The following RBBP8NL variants were observed in gnomAD, a reference collection of about 807,000 sequenced individuals.
RBBP8NL encodes the protein RBBP8 N-terminal like, also known as RBBP8 N-terminal-like protein.
RBBP8NL carries 59 observed loss-of-function variants against 62.2 expected under a neutral mutation model. That is an observed-to-expected ratio of 0.95 (90% CI 0.77 to 1.18). RBBP8NL has a LOEUF of 1.18. Among genes scored for constraint, RBBP8NL ranks in the 50% most tolerant of loss-of-function variants. RBBP8NL has a pLI of 0.00. For synonymous variants in RBBP8NL, 412 were observed against 394.1 expected, an observed-to-expected ratio of 1.05 and a Z score of -0.54; for missense variants, 896 against 899.5, an observed-to-expected ratio of 1.00 and a Z score of 0.05.
chr20:62,415,039 T>C (rs1988529401), intron 9 of RBBP8NL, 82 bp downstream of exon 9: 2 of 1,345,570 alleles, frequency 1.5e-6, no homozygotes, highest in Non-Finnish European at 2.0e-6. Flanking sequence ...TGAGGGATAA[T>C]CAGAGGGACT....
intron 2 of RBBP8NL, 87 bp downstream of exon 2, chr20:62,419,500 T>A: frequency 7.2e-7 from 1 of 1,393,546 alleles, no homozygotes; most frequent in Non-Finnish European, 1.0e-6. Flanking sequence ...TTGGAGGTGA[T>A]CATGGGTGCA....
In RBBP8NL at chr20:62,417,553, C is replaced by T. The variant is rs535787137; in HGVS notation, c.105-234G>A. ...TCCTCTGTGACGTCTGTCCCGTCCA[C>T]GCAACGCCCCCCCAGTCATCTGCAC... is the stretch of plus-strand genomic sequence containing the variant. On this transcript the variant is annotated intron_variant, in intron 3 of 13. Coordinates refer to ENST00000252998, the MANE Select transcript of RBBP8NL (RefSeq NM_080833.3). Among the ~76,000 whole-genome samples, 41 of 70,308 alleles carry T rather than the reference C, an allele frequency of 5.8e-4. No individual in the cohort carries two copies. In the South Asian group the frequency reaches 0.035, roughly 60 times the overall value. 46.1% of individuals were successfully genotyped at this position (70,308 alleles called of 152,430 possible).
intron 7 of RBBP8NL, 23 bp downstream of exon 7, chr20:62,415,765 G>C (rs1226005937): frequency 6.2e-7 from 1 of 1,610,834 alleles, no homozygotes; most frequent in Admixed American, 1.7e-5. Context: ...CAGCCTCCCA[G>C]CCTCACCCGG....
intron 1 of RBBP8NL, among the ~76,000 whole-genome samples, chr20:62,422,632 G>A (rs78434042): frequency 9.2e-3 from 1,093 of 118,828 alleles, no homozygotes; most frequent in Middle Eastern, 0.023. Context: ...GAGTGGGGAT[G>A]GGGCCCGGGG....
chr20:62,414,663 C>G (rs1476708342), intron 9 of RBBP8NL, 107 bp from the exon 10 acceptor site: 2 of 1,305,312 alleles, frequency 1.5e-6, no homozygotes, highest in East Asian at 5.4e-5. Context: ...GGCGAGGAAA[C>G]TGAGGTCCAG....
intron 1 of RBBP8NL, among the ~76,000 whole-genome samples, chr20:62,424,680 C>T (rs559294784): frequency 3.3e-5 from 5 of 152,286 alleles, no homozygotes; most frequent in Non-Finnish European, 4.4e-5. Context: ...TGTCCTCATC[C>T]AGGGAATGGA....
chr20:62,414,903 T>C (rs572250562), intron 9 of RBBP8NL, among the ~76,000 whole-genome samples: 1 of 152,324 alleles, frequency 6.6e-6, no homozygotes, highest in East Asian at 1.9e-4. Flanking sequence ...ACCCTACTTG[T>C]TCTCAGACAA....
intron 9 of RBBP8NL, 58 bp from the exon 10 acceptor site, chr20:62,414,614 G>A (rs780653325): frequency 4.9e-5 from 68 of 1,379,754 alleles, no homozygotes; most frequent in Non-Finnish European, 6.2e-5. Flanking sequence ...CCGTCCCAGC[G>A]AGCCCTGAGA....
intron 4 of RBBP8NL, 49 bp from the exon 5 acceptor site, chr20:62,416,921 A>C: frequency 7.1e-7 from 1 of 1,402,164 alleles, no homozygotes; most frequent in Non-Finnish European, 9.7e-7. Context: ...CGGAAGCCAC[A>C]GAGGGCCTGG....
intron 8 of RBBP8NL, 133 bp downstream of exon 8, chr20:62,415,445 T>C (rs1601486770): frequency 1.5e-6 from 2 of 1,371,216 alleles, no homozygotes. Flanking sequence ...CAGTGGCTCC[T>C]GCCCGGGACA....
chr20:62,413,751 G>C (rs1368299273), intron 10 of RBBP8NL, 70 bp downstream of exon 10: 5 of 1,507,514 alleles, frequency 3.3e-6, no homozygotes, highest in South Asian at 2.7e-5. Flanking sequence ...CGAGGTCTGG[G>C]GGGAGGCCGG....
chr20:62,424,963 C>A (rs559473504), intron 1 of RBBP8NL, among the ~76,000 whole-genome samples: 10 of 151,566 alleles, frequency 6.6e-5, no homozygotes, highest in African/African-American at 2.2e-4. Context: ...TCAGTCTGGG[C>A]GGAGGGTAAA....
chr20:62,414,416 G>A lies in RBBP8NL; in HGVS notation c.935C>T (p.Ala312Val). Residue 312 changes from alanine (A) to valine (V), a missense_variant, in exon 10 of 14, where the codon GCA becomes GTA. Coordinates refer to ENST00000252998, the MANE Select transcript of RBBP8NL (RefSeq NM_080833.3). ...CTGGAGCCGGGGGTCGCTGGGGGCT[G>A]CAGCAGGGGCCAGGGGGCTGCTGTG... ...SPHSSPLAPAAAPSDPRLQDL... is the reference protein window; with the variant it reads ...SPHSSPLAPAVAPSDPRLQDL... 1 of 1,533,714 alleles carries A rather than the reference G, an allele frequency of 6.5e-7. No individual in the cohort carries two copies. Among genetic ancestry groups the A allele is most frequent in the Admixed American group, 2.0e-5 (1 of 50,810 alleles).
chr20:62,424,890 C>G (rs909802197), intron 1 of RBBP8NL, among the ~76,000 whole-genome samples: 2 of 152,148 alleles, frequency 1.3e-5, no homozygotes, highest in South Asian at 2.1e-4. Context: ...TGCACCCCCC[C>G]CACCCGCTGA....
intron 1 of RBBP8NL, among the ~76,000 whole-genome samples, chr20:62,424,608 G>A (rs989461810): frequency 4.6e-5 from 7 of 152,156 alleles, no homozygotes; most frequent in African/African-American, 1.4e-4. Flanking sequence ...CTTATCCCCC[G>A]GACAGGGCCC....
At chr20:62,421,533 C>T (rs978060226) in intron 1 of RBBP8NL, among the ~76,000 whole-genome samples, 5 of 133,578 alleles carry the variant, frequency 3.7e-5, no homozygotes, top group African/African-American at 1.4e-4. Flanking sequence ...CATGTGTGTG[C>T]ACACCCAAGT....
At chr20:62,415,072 G>A in intron 9 of RBBP8NL, 49 bp downstream of exon 9, 5 of 1,422,142 alleles carry the variant, frequency 3.5e-6, no homozygotes, top group Non-Finnish European at 4.6e-6. Flanking sequence ...GGGGCTGAGA[G>A]AAGAGCTCAT....
At chr20:62,415,052 C>A in intron 9 of RBBP8NL, 69 bp downstream of exon 9, 2 of 1,391,040 alleles carry the variant, frequency 1.4e-6, no homozygotes, top group Non-Finnish European at 1.9e-6. Flanking sequence ...GAGGGACTGC[C>A]CTGGGACCAG....
intron 1 of RBBP8NL, among the ~76,000 whole-genome samples, chr20:62,421,774 T>G (rs1988705927): frequency 6.7e-6 from 1 of 149,642 alleles, no homozygotes; most frequent in Non-Finnish European, 1.5e-5. Context: ...TGTGCGGGTG[T>G]GTGCCATGTG....
Sources: gnomAD v4.1 joint callset for allele counts (sites outside exome capture counted in the v4.1 genomes callset) on GRCh38, gnomAD v4.1.1 for gene constraint, MANE v1.5 for transcripts, NCBI Gene and HGNC (gene_info 2026-07-23, HGNC 2026-07-21) for gene names.